The following HPS4 variants were observed in gnomAD, a reference collection of about 807,000 sequenced individuals.
The protein encoded by HPS4 is HPS4 biogenesis of lysosomal organelles complex 3 subunit 2.
In HPS4, 44 loss-of-function variants were observed where a neutral mutation model predicts 70.3. That is an observed-to-expected ratio of 0.63 (90% confidence interval 0.49 to 0.80). HPS4 has a LOEUF of 0.80. HPS4 is among the 30% of genes least tolerant of loss of function. HPS4 has a pLI of 0.00. For missense variants in HPS4, 873 were observed against 884.4 expected (o/e 0.99, Z 0.16); for synonymous variants, 377 against 355.9 (o/e 1.06, Z -0.67).
Position 26,453,374 on chromosome 22 carries a change from G to T in HPS4, c.1986C>A (p.Cys662Ter). 6.2e-7 allele frequency: 1 copy of T among 1,614,182 alleles called. No individual in the cohort carries two copies. The highest frequency in any genetic ancestry group is 8.5e-7 in the Non-Finnish European group (1 of 1,180,048). ...RNASTAVYAC[C>*]NPIQETYFQQ... ...GGAAATATGTCTCCTGGATGGGGTT[G>T]CAACAGGCGTACACAGCCGTGGAGG... The change falls in exon 14 of 14, where the codon TGC becomes TGA. Residue 662 changes from cysteine (C) to a stop codon, truncating the protein, a stop_gained. Transcript: ENST00000398145. LOFTEE classifies it high-confidence loss of function.
chr22:26,466,492 C>T, intron 8 of HPS4: 1 of 615,302 alleles, frequency 1.6e-6, no homozygotes, highest in East Asian at 2.8e-5. Flanking sequence ...TGCAAGGCAG[C>T]AGCTCCACCC....
At chr22:26,455,984 C>G (rs551382557) in intron 13 of HPS4, among the ~76,000 whole-genome samples, 3 of 152,306 alleles carry the variant, frequency 2.0e-5, no homozygotes, top group South Asian at 2.1e-4. Flanking sequence ...ACTGTAGATG[C>G]AAGTTGCCTC....
At chr22:26,447,474 T>C (rs1302152337), downstream of HPS4, among the ~76,000 whole-genome samples, 1 of 152,202 alleles carries the variant, frequency 6.6e-6, no homozygotes, top group Non-Finnish European at 1.5e-5. Flanking sequence ...TAATCCACTC[T>C]GTGAGTGTCA....
intron 8 of HPS4, 72 bp from the exon 9 acceptor site, chr22:26,466,334 G>A: frequency 6.5e-7 from 1 of 1,548,754 alleles, no homozygotes; most frequent in Non-Finnish European, 8.9e-7. Flanking sequence ...TCAGGAATTT[G>A]CTGTGCCATC....
At chr22:26,466,506 C>G in intron 8 of HPS4, 1 of 606,438 alleles carries the variant, frequency 1.6e-6, no homozygotes, top group South Asian at 1.9e-5. Context: ...TCCACCCAAA[C>G]TCACATCACA....
At chr22:26,461,159 G>A (rs1027513678) in intron 11 of HPS4, among the ~76,000 whole-genome samples, 1 of 152,250 alleles carries the variant, frequency 6.6e-6, no homozygotes, top group Non-Finnish European at 1.5e-5. Flanking sequence ...ACAGCGTGCA[G>A]CAGGAGCAAT....
At chr22:26,469,029 G>A (rs1374295830) in intron 7 of HPS4, among the ~76,000 whole-genome samples, 4 of 152,146 alleles carry the variant, frequency 2.6e-5, no homozygotes, top group African/African-American at 9.7e-5. Flanking sequence ...GAGAAACCAT[G>A]TGATCCTATT....
chr22:26,466,403 G>T, intron 8 of HPS4, 141 bp from the exon 9 acceptor site: 2 of 909,166 alleles, frequency 2.2e-6, no homozygotes, highest in Non-Finnish European at 3.5e-6. Flanking sequence ...TAAGAGCCAA[G>T]CAGATGGAAC....
At chr22:26,459,719 C>A (rs1322710795) in intron 11 of HPS4, among the ~76,000 whole-genome samples, 2 of 152,216 alleles carry the variant, frequency 1.3e-5, no homozygotes, top group African/African-American at 2.4e-5. Flanking sequence ...TTCTGTGCCT[C>A]ATTTTTCTAG....
downstream of HPS4, among the ~76,000 whole-genome samples, chr22:26,450,339 C>T (rs552071236): frequency 3.1e-4 from 47 of 152,310 alleles, 1 homozygote; most frequent in South Asian, 9.5e-3. Flanking sequence ...GTTAAGAACG[C>T]AGTAACTGGG....
chr22:26,483,614 A>C, intron 1 of HPS4, 60 bp downstream of exon 1: 1 of 292,692 alleles, frequency 3.4e-6, no homozygotes, highest in Non-Finnish European at 6.3e-6. Context: ...GGGTCGGGTC[A>C]CGCTCTAAGC....
chr22:26,479,222 G>C (rs781170364), intron 3 of HPS4, 43 bp downstream of exon 3: 4 of 1,599,348 alleles, frequency 2.5e-6, no homozygotes, highest in Non-Finnish European at 3.4e-6. Flanking sequence ...CCACTTGGAG[G>C]CACTGGGATC....
At chr22:26,462,692 G>A (rs1025729592) in intron 11 of HPS4, among the ~76,000 whole-genome samples, 5 of 152,090 alleles carry the variant, frequency 3.3e-5, no homozygotes, top group Admixed American at 2.0e-4. Context: ...TCCAAGGCTC[G>A]ACACTGTGCA....
At chr22:26,445,763 G>C (rs1418946166) in intron 3 of HPS4, among the ~76,000 whole-genome samples, 1 of 152,228 alleles carries the variant, frequency 6.6e-6, no homozygotes. Flanking sequence ...AAATGGAAGA[G>C]ATGGGAAAAC....
At chr22:26,481,123 G>A (rs561072570) in intron 2 of HPS4, among the ~76,000 whole-genome samples, 22 of 151,776 alleles carry the variant, frequency 1.4e-4, no homozygotes, top group Non-Finnish European at 2.7e-4. Context: ...ATCCCTGCTT[G>A]TGCGGGCACA....
chr22:26,457,650 A>G (rs189204274), intron 13 of HPS4, among the ~76,000 whole-genome samples: 210 of 152,350 alleles, frequency 1.4e-3, no homozygotes, highest in Middle Eastern at 6.8e-3. Flanking sequence ...CCAAGCGTCT[A>G]AAGTAGGAAG....
downstream of HPS4, chr22:26,443,268 C>A: frequency 7.4e-7 from 1 of 1,354,970 alleles, no homozygotes. Flanking sequence ...AGACTGTGGT[C>A]CGGTCCAGTC....
intron 11 of HPS4, among the ~76,000 whole-genome samples, chr22:26,463,619 C>T (rs2087776312): frequency 6.6e-6 from 1 of 152,220 alleles, no homozygotes; most frequent in Non-Finnish European, 1.5e-5. Flanking sequence ...CATCTCAGGC[C>T]TTCCCTTTCT....
At chr22:26,469,183 A>C (rs1033869864) in intron 7 of HPS4, among the ~76,000 whole-genome samples, 26 of 150,014 alleles carry the variant, frequency 1.7e-4, no homozygotes, top group African/African-American at 6.1e-4. Flanking sequence ...ACAGTGGCTT[A>C]CTCCTGCAAT....
Sources: allele counts gnomAD v4.1 joint callset (sites outside exome capture counted in the v4.1 genomes callset), GRCh38; gene constraint gnomAD v4.1.1; transcripts MANE v1.5; gene names NCBI Gene and HGNC (gene_info 2026-07-23, HGNC 2026-07-21).